The following VSIG1 variants were observed in gnomAD, a reference collection of about 807,000 sequenced individuals.
VSIG1 encodes the protein V-set and immunoglobulin domain containing 1, also known as V-set and immunoglobulin domain-containing protein 1.
In VSIG1, 11 loss-of-function variants were observed where a neutral mutation model predicts 20.1. That is an observed-to-expected ratio of 0.55 (90% CI 0.34 to 0.91). The LOEUF (loss-of-function observed/expected upper bound fraction) is 0.91. Among genes scored for constraint, VSIG1 ranks in the 40% least tolerant of loss-of-function variants. VSIG1 has a pLI of 0.02. For synonymous variants in VSIG1, 126 were observed against 116.7 expected (o/e 1.08, Z -0.52); for missense variants, 283 against 298.8 (o/e 0.95, Z 0.39).
At chrX:108,069,795 G>A (rs187647569) in intron 3 of VSIG1, among the ~76,000 whole-genome samples, 72 of 111,792 alleles carry the variant, frequency 6.4e-4, no homozygotes, top group African/African-American at 2.3e-3. Flanking sequence ...GGAGACAGAC[G>A]CGTAACATAA....
upstream of VSIG1, among the ~76,000 whole-genome samples, chrX:108,043,458 T>G (rs1317350005): frequency 1.8e-5 from 2 of 112,326 alleles, no homozygotes; most frequent in Non-Finnish European, 3.8e-5. Context: ...GACCAGTTAA[T>G]AAATGCGAAA....
chrX:108,044,908 A>G (rs1395640225), upstream of VSIG1: 1 of 296,001 alleles, frequency 3.4e-6, no homozygotes, highest in African/African-American at 2.7e-5. Context: ...CACAGTAGCA[A>G]ATATATCAAG....
the VSIG1 span, among the ~76,000 whole-genome samples, chrX:108,033,938 A>T: frequency 2.7e-5 from 3 of 110,537 alleles, no homozygotes; most frequent in Non-Finnish European, 3.8e-5. Context: ...GATTTTTTAG[A>T]TCGTGAGGCA....
chrX:108,024,434 T>G, the VSIG1 span, among the ~76,000 whole-genome samples: 1 of 109,968 alleles, frequency 9.1e-6, no homozygotes, highest in African/African-American at 3.3e-5. Flanking sequence ...TTCTGTTCGC[T>G]ATCTCATTTA....
At chrX:108,076,954 A>G in intron 6 of VSIG1, 94 bp from the exon 7 acceptor site, 4 of 857,393 alleles carry the variant, frequency 4.7e-6, no homozygotes, top group Non-Finnish European at 6.6e-6. Context: ...TCTGGGACCT[A>G]TGGTCATTGA....
At chrX:108,061,289 A>T in intron 2 of VSIG1, 1 of 435,426 alleles carries the variant, frequency 2.3e-6, no homozygotes. Flanking sequence ...ACTATTAGAC[A>T]ATTATGTGAT....
the VSIG1 span, among the ~76,000 whole-genome samples, chrX:108,024,335 AT>A: frequency 9.0e-6 from 1 of 110,580 alleles, no homozygotes; most frequent in Non-Finnish European, 1.9e-5. Flanking sequence ...TGAGTCTTTT[AT>A]TTTTGATCAG....
intron 1 of VSIG1, among the ~76,000 whole-genome samples, chrX:108,047,790 C>CTCTATA (rs1255650169): frequency 7.2e-5 from 4 of 55,655 alleles, no homozygotes; most frequent in African/African-American, 3.3e-4. Context: ...CTCTCTCTCT[C>CTCTATA]TATATATATA....
At chrX:108,066,520 TAAG>T (rs1378666849) in intron 2 of VSIG1, among the ~76,000 whole-genome samples, 1 of 111,359 alleles carries the variant, frequency 9.0e-6, no homozygotes, top group Non-Finnish European at 1.9e-5. Context: ...ATTCAAATTT[TAAG>T]AAGTTTATAA....
chrX:108,076,855 G>T (rs944895663), intron 6 of VSIG1, among the ~76,000 whole-genome samples, 193 bp from the exon 7 acceptor site: 1 of 112,065 alleles, frequency 8.9e-6, no homozygotes, highest in Non-Finnish European at 1.9e-5. Flanking sequence ...AAACTTTCAT[G>T]ATATTGTTGA....
At chrX:108,047,835 T>TATATATATACATATATATATACAC (rs2030633019) in intron 1 of VSIG1, among the ~76,000 whole-genome samples, 1 of 45,426 alleles carries the variant, frequency 2.2e-5, no homozygotes, top group Non-Finnish European at 3.9e-5. Context: ...TATATACACA[T>TATATATATACATATATATATACAC]ATATATATAC....
chrX:108,037,425 C>G, the VSIG1 span, among the ~76,000 whole-genome samples: 1 of 111,676 alleles, frequency 9.0e-6, no homozygotes, highest in Non-Finnish European at 1.9e-5. Flanking sequence ...TTAGAAACCC[C>G]AGACTGCCTT....
chrX:108,063,021 G>A (rs1426783266), intron 2 of VSIG1, among the ~76,000 whole-genome samples: 1 of 112,230 alleles, frequency 8.9e-6, no homozygotes, highest in African/African-American at 3.2e-5. Flanking sequence ...AAGTCTTTTA[G>A]GACAAATCTG....
At chrX:108,057,139 T>C (rs965184273) in intron 1 of VSIG1, among the ~76,000 whole-genome samples, 5 of 112,370 alleles carry the variant, frequency 4.4e-5, no homozygotes, top group African/African-American at 1.6e-4. Flanking sequence ...AGTCATCAAT[T>C]CCAAAAGGTT....
chrX:108,059,743 C>G (rs1181986999), intron 2 of VSIG1, among the ~76,000 whole-genome samples: 1 of 112,327 alleles, frequency 8.9e-6, no homozygotes, highest in African/African-American at 3.2e-5. Flanking sequence ...ATCACATGAC[C>G]TTTCTTCCTT....
intron 5 of VSIG1, among the ~76,000 whole-genome samples, chrX:108,075,309 G>A (rs1211323178): frequency 2.7e-5 from 3 of 112,262 alleles, no homozygotes; most frequent in Non-Finnish European, 3.8e-5. Flanking sequence ...GTTGCCTTTC[G>A]TGAATGGGAC....
the VSIG1 span, among the ~76,000 whole-genome samples, chrX:108,018,903 TGGTAAC>T: frequency 9.0e-6 from 1 of 111,616 alleles, no homozygotes; most frequent in East Asian, 2.8e-4. Flanking sequence ...GCCCTCGTGG[TGGTAAC>T]GGTGCACTGA....
intron 1 of VSIG1, among the ~76,000 whole-genome samples, chrX:108,057,172 A>G (rs2147923989): frequency 8.9e-6 from 1 of 112,499 alleles, no homozygotes; most frequent in Admixed American, 9.4e-5. Flanking sequence ...TGTATATAAC[A>G]TTTATGAAGT....
At chrX:108,055,548 A>G (rs60974441) in intron 1 of VSIG1, among the ~76,000 whole-genome samples, 38,572 of 110,484 alleles carry the variant, frequency 0.35, 5,337 homozygotes, top group Non-Finnish European at 0.41. Flanking sequence ...GAACTTTGAC[A>G]CAAAAATCCT....
Sources: allele counts gnomAD v4.1 joint callset (sites outside exome capture counted in the v4.1 genomes callset), GRCh38; gene constraint gnomAD v4.1.1; transcripts MANE v1.5; gene names NCBI Gene and HGNC (gene_info 2026-07-23, HGNC 2026-07-21).